The following PTK2B variants were observed in gnomAD, a reference collection of about 807,000 sequenced individuals.
PTK2B encodes protein-tyrosine kinase 2-beta.
In PTK2B, 71 loss-of-function variants were observed where a neutral mutation model predicts 142.9. The ratio of observed to expected loss-of-function variants is 0.50; its 90% CI spans 0.41 to 0.61. PTK2B has a LOEUF of 0.61. Among genes scored for constraint, PTK2B ranks in the 20% least tolerant of loss-of-function variants. The probability of loss-of-function intolerance (pLI) is 0.00; values close to 1 mark genes in which losing one functional copy is unlikely to be tolerated. For synonymous variants in PTK2B, 519 were observed against 503.4 expected, an observed-to-expected ratio of 1.03 and a Z score of -0.42; for missense variants, 1,105 against 1,320.4, an observed-to-expected ratio of 0.84 and a Z score of 2.53.
intron 1 of PTK2B, among the ~76,000 whole-genome samples, chr8:27,336,633 A>G (rs1293464765): frequency 6.6e-6 from 1 of 152,254 alleles, no homozygotes; most frequent in African/African-American, 2.4e-5. Flanking sequence ...GCTAATAACA[A>G]TACATTAACT....
intron 1 of PTK2B, among the ~76,000 whole-genome samples, chr8:27,373,463 C>G (rs1002547832): frequency 1.3e-5 from 2 of 152,140 alleles, no homozygotes; most frequent in African/African-American, 4.8e-5. Flanking sequence ...CTTGGGCAAG[C>G]AGCTAGGAGA....
At chr8:27,358,996 T>C (rs943263449) in intron 1 of PTK2B, among the ~76,000 whole-genome samples, 4 of 152,196 alleles carry the variant, frequency 2.6e-5, no homozygotes, top group Non-Finnish European at 4.4e-5. Flanking sequence ...TGTCCCAAAC[T>C]GTTGTCCACT....
chr8:27,395,109 A>G (rs1210134223), intron 1 of PTK2B, among the ~76,000 whole-genome samples: 2 of 152,154 alleles, frequency 1.3e-5, no homozygotes, highest in African/African-American at 4.8e-5. Flanking sequence ...TAAAATAATG[A>G]TAAAAATTAT....
At chr8:27,311,406 G>A, upstream of PTK2B, 1 of 832,908 alleles carries the variant, frequency 1.2e-6, no homozygotes, top group Non-Finnish European at 1.8e-6. Flanking sequence ...GGGGGAGGGA[G>A]GGGGCGCTCG....
At chr8:27,368,358 G>T (rs1806141714) in intron 1 of PTK2B, among the ~76,000 whole-genome samples, 1 of 152,016 alleles carries the variant, frequency 6.6e-6, no homozygotes, top group Non-Finnish European at 1.5e-5. Flanking sequence ...AGAAAGTCCA[G>T]CAAGAACTAC....
chr8:27,437,589 TC>T (rs1810866833), intron 17 of PTK2B, 93 bp downstream of exon 17: 1 of 1,279,644 alleles, frequency 7.8e-7, no homozygotes, highest in African/African-American at 1.5e-5. Flanking sequence ...ACTTCTGTGT[TC>T]CACTGAAATA....
rs763690268 is a variant in PTK2B at position 27,458,245 on chromosome 8, A to G, written c.2815-49A>G. 1.0e-5 allele frequency: 16 copies of G among 1,568,774 alleles called. No individual in the cohort carries two copies. In the East Asian group the frequency reaches 2.7e-4, roughly 26 times the overall value. On this transcript the variant is annotated intron_variant, in intron 30 of 30. Transcript: ENST00000346049. ...ACCTCTGTGGCTTCCCTATCCTCCA[A>G]GCACAGACTTTGTGGCCTCTCAACC...
chr8:27,375,421 TC>T (rs1806605549), intron 1 of PTK2B, among the ~76,000 whole-genome samples: 1 of 152,184 alleles, frequency 6.6e-6, no homozygotes, highest in African/African-American at 2.4e-5. Context: ...GTATCACCCT[TC>T]CCAGTGGTCA....
At position 27,453,144 on chromosome 8, in the gene PTK2B, C is replaced by G. The variant is rs370659369; in HGVS notation, c.2579C>G (p.Pro860Arg). ...LEFTGPPQKP[P>R]RLGAQSIQPT... The stretch of plus-strand genomic sequence containing the variant: ...TTCACAGGGCCCCCACAGAAGCCCC[C>G]GAGGCTGGGCGCACAGGTATGTGTT... Residue 860 changes from proline to arginine, a missense_variant, in exon 28 of 31, where the codon CCG becomes CGG. By Grantham distance (103) the Pro-to-Arg change is moderately radical. Transcript: ENST00000346049. The G allele has an allele frequency of 6.2e-7, 1 of 1,614,096 alleles. No individual in the cohort carries two copies. Among genetic ancestry groups the G allele is most frequent in the Non-Finnish European group, 8.5e-7 (1 of 1,180,030 alleles).
intron 3 of PTK2B, 60 bp from the exon 4 acceptor site, chr8:27,420,597 A>C: frequency 2.6e-6 from 4 of 1,516,642 alleles, no homozygotes; most frequent in Non-Finnish European, 3.7e-6. Flanking sequence ...TTGGGGTCCT[A>C]CTCCTTTCTT....
At chr8:27,390,168 G>T (rs1807627731) in intron 1 of PTK2B, among the ~76,000 whole-genome samples, 1 of 152,276 alleles carries the variant, frequency 6.6e-6, no homozygotes, top group South Asian at 2.1e-4. Flanking sequence ...CAGGCAATGG[G>T]GCTGTGCAGG....
chr8:27,328,016 A>G (rs1359179249), intron 1 of PTK2B, among the ~76,000 whole-genome samples: 4 of 152,180 alleles, frequency 2.6e-5, no homozygotes, highest in Admixed American at 6.5e-5. Flanking sequence ...GGTGAAATAC[A>G]TAGTAGGGTT....
intron 1 of PTK2B, among the ~76,000 whole-genome samples, chr8:27,394,353 C>A (rs1441170281): frequency 1.3e-5 from 2 of 152,186 alleles, no homozygotes; most frequent in African/African-American, 4.8e-5. Flanking sequence ...GCTCCTACAA[C>A]CCTATACAGC....
At chr8:27,386,204 TC>T (rs1348155677) in intron 1 of PTK2B, among the ~76,000 whole-genome samples, 4 of 152,124 alleles carry the variant, frequency 2.6e-5, no homozygotes, top group African/African-American at 4.8e-5. Flanking sequence ...TGCTCCGACT[TC>T]CCCCTGAGCA....
At chr8:27,453,285 G>T in intron 28 of PTK2B, 125 bp downstream of exon 28, 1 of 1,306,230 alleles carries the variant, frequency 7.7e-7, no homozygotes, top group South Asian at 1.3e-5. Context: ...TGATACAGAT[G>T]AAGCCCGGGG....
At chr8:27,312,087 AT>A (rs1339448969) in intron 1 of PTK2B, among the ~76,000 whole-genome samples, 1 of 152,004 alleles carries the variant, frequency 6.6e-6, no homozygotes, top group Non-Finnish European at 1.5e-5. Flanking sequence ...ACTAGAGTTC[AT>A]GCTCAATTCT....
rs544314532 is a variant in PTK2B at position 27,375,443 on chromosome 8, T to G, written c.-37-22105T>G. Among the ~76,000 whole-genome samples, 3 of 152,292 alleles carry G rather than the reference T, an allele frequency of 2.0e-5. No homozygotes were observed. In the East Asian group the frequency reaches 5.8e-4, roughly 29 times the overall value. ...CCTTCCCAGTGGTCATCCAGTCATT[T>G]CCAAAGCATGCCATCATCATTTCTG... On this transcript the variant is annotated intron_variant, in intron 1 of 30. Coordinates refer to ENST00000346049, the MANE Select transcript of PTK2B (RefSeq NM_173176.3).
intron 1 of PTK2B, among the ~76,000 whole-genome samples, chr8:27,351,827 G>C (rs1326166889): frequency 6.6e-6 from 1 of 152,158 alleles, no homozygotes; most frequent in African/African-American, 2.4e-5. Flanking sequence ...CCCGTTGAAG[G>C]GCAATGTGAA....
At chr8:27,420,924 C>G (rs377008878) in intron 4 of PTK2B, among the ~76,000 whole-genome samples, 180 bp downstream of exon 4, 1 of 152,200 alleles carries the variant, frequency 6.6e-6, no homozygotes, top group African/African-American at 2.4e-5. Context: ...CTGCTTTTCT[C>G]TCAGTATTTA....
Sources: gnomAD v4.1 joint callset for allele counts (sites outside exome capture counted in the v4.1 genomes callset) on GRCh38, gnomAD v4.1.1 for gene constraint, MANE v1.5 for transcripts, NCBI Gene and HGNC (gene_info 2026-07-23, HGNC 2026-07-21) for gene names.